ATRNL1: variants seen among roughly 807,000 people sequenced by gnomAD.
ATRNL1 encodes attractin-like protein 1.
ATRNL1 carries 95 observed loss-of-function variants against 182.7 expected under a neutral mutation model. That is an observed-to-expected ratio of 0.52 (90% CI 0.44 to 0.62). The LOEUF (loss-of-function observed/expected upper bound fraction) is 0.62. ATRNL1 is among the 20% of genes least tolerant of loss of function. ATRNL1 has a pLI of 0.00. For synonymous variants in ATRNL1, 576 were observed against 568.3 expected (o/e 1.01, Z -0.19); for missense variants, 1,471 against 1,679.5 (o/e 0.88, Z 2.17).
At chr10:115,922,828 T>A (rs1203835706) in intron 28 of ATRNL1, among the ~76,000 whole-genome samples, 1 of 151,950 alleles carries the variant, frequency 6.6e-6, no homozygotes, top group East Asian at 1.9e-4. Flanking sequence ...AGCAATATGT[T>A]AAGAGGAGAA....
chr10:115,272,532 G>A (rs1370562170), intron 13 of ATRNL1, among the ~76,000 whole-genome samples: 3 of 152,142 alleles, frequency 2.0e-5, no homozygotes, highest in Non-Finnish European at 4.4e-5. Context: ...GGTCAGCAAA[G>A]AATAAGGTCA....
intron 27 of ATRNL1, among the ~76,000 whole-genome samples, chr10:115,831,679 T>A (rs1386910270): frequency 6.6e-6 from 1 of 152,054 alleles, no homozygotes; most frequent in Admixed American, 6.6e-5. Context: ...GTCTCTTAAC[T>A]CTCAGAACCT....
At chr10:115,701,126 A>T (rs1946721659) in intron 26 of ATRNL1, among the ~76,000 whole-genome samples, 1 of 152,106 alleles carries the variant, frequency 6.6e-6, no homozygotes, top group Admixed American at 6.6e-5. Context: ...ACATTGGAAT[A>T]AAAGTAGAAA....
chr10:115,578,451 A>G (rs1854862596), intron 26 of ATRNL1, among the ~76,000 whole-genome samples: 1 of 151,586 alleles, frequency 6.6e-6, no homozygotes, highest in African/African-American at 2.4e-5. Context: ...TGGTCTTTTC[A>G]GGCTATTTCT....
At chr10:115,163,102 A>C (rs1328880949) in intron 6 of ATRNL1, among the ~76,000 whole-genome samples, 1 of 151,520 alleles carries the variant, frequency 6.6e-6, no homozygotes, top group East Asian at 1.9e-4. Flanking sequence ...TTCTTTTATT[A>C]TTAATGGTTT....
At chr10:115,707,851 C>A (rs1054453857) in intron 26 of ATRNL1, among the ~76,000 whole-genome samples, 17 of 151,470 alleles carry the variant, frequency 1.1e-4, no homozygotes, top group Admixed American at 4.0e-4. Context: ...AGAATCTTAG[C>A]GGTGGAATTA....
At chr10:115,326,551 A>G (rs1387549709) in intron 18 of ATRNL1, among the ~76,000 whole-genome samples, 1 of 152,112 alleles carries the variant, frequency 6.6e-6, no homozygotes, top group East Asian at 1.9e-4. Context: ...TCAAGCTACC[A>G]ATTACTTTCT....
chr10:115,551,355 C>T (rs1554995475), intron 26 of ATRNL1, among the ~76,000 whole-genome samples: 1 of 151,380 alleles, frequency 6.6e-6, no homozygotes, highest in African/African-American at 2.4e-5. Flanking sequence ...ATAAATTTAT[C>T]TTTTGGAAGT....
intron 28 of ATRNL1, among the ~76,000 whole-genome samples, chr10:115,899,552 C>T (rs1171182660): frequency 1.3e-5 from 2 of 152,140 alleles, no homozygotes; most frequent in East Asian, 3.9e-4. Flanking sequence ...AGGTGATCTG[C>T]CCACCTCAGC....
chr10:115,711,689 T>A (rs1390376804), intron 26 of ATRNL1, among the ~76,000 whole-genome samples: 1 of 152,186 alleles, frequency 6.6e-6, no homozygotes, highest in East Asian at 1.9e-4. Context: ...GAGAAGATTC[T>A]GAAATGGGTT....
chr10:115,352,037 T>A (rs908095154), intron 19 of ATRNL1, among the ~76,000 whole-genome samples: 2 of 152,104 alleles, frequency 1.3e-5, no homozygotes, highest in Non-Finnish European at 2.9e-5. Flanking sequence ...CATGGTTCAA[T>A]TTTGGTAGTT....
At chr10:115,349,870 G>A (rs782567866) in intron 19 of ATRNL1, among the ~76,000 whole-genome samples, 21 of 152,044 alleles carry the variant, frequency 1.4e-4, no homozygotes, top group Non-Finnish European at 2.9e-4. Flanking sequence ...TGTCATATGA[G>A]CTATTTGCAA....
intron 26 of ATRNL1, among the ~76,000 whole-genome samples, chr10:115,571,875 C>A (rs1304342676): frequency 6.6e-6 from 1 of 151,142 alleles, no homozygotes; most frequent in Non-Finnish European, 1.5e-5. Flanking sequence ...TGTGTCTTAC[C>A]GTCTGTTCTA....
intron 27 of ATRNL1, among the ~76,000 whole-genome samples, chr10:115,812,338 G>T (rs1361330257): frequency 2.0e-5 from 3 of 152,000 alleles, no homozygotes; most frequent in Non-Finnish European, 4.4e-5. Context: ...GTTCTTGTTT[G>T]GATCTTGTTG....
chr10:115,278,687 C>T (rs1314757505), intron 13 of ATRNL1, among the ~76,000 whole-genome samples: 8 of 152,184 alleles, frequency 5.3e-5, no homozygotes, highest in African/African-American at 1.4e-4. Context: ...TTTAATCTCC[C>T]CTTTTGGCCA....
intron 27 of ATRNL1, among the ~76,000 whole-genome samples, chr10:115,823,469 G>A (rs948006633): frequency 2.6e-5 from 4 of 152,198 alleles, no homozygotes; most frequent in African/African-American, 4.8e-5. Context: ...ATTCAATTCG[G>A]AAGAGAGGAA....
intron 20 of ATRNL1, among the ~76,000 whole-genome samples, chr10:115,403,647 G>T (rs1158396514): frequency 6.6e-6 from 1 of 152,068 alleles, no homozygotes; most frequent in Non-Finnish European, 1.5e-5. Flanking sequence ...GAGAGATGGG[G>T]TTTCATGTTG....
chr10:115,438,376 C>G (rs1436564091), intron 21 of ATRNL1, among the ~76,000 whole-genome samples: 1 of 151,938 alleles, frequency 6.6e-6, no homozygotes, highest in African/African-American at 2.4e-5. Context: ...TAAAGCAAAT[C>G]TTAAATATTC....
Position 115,757,468 on chromosome 10 carries a change from A to G in ATRNL1, c.3903+30113A>G, listed in dbSNP as rs938948638. 4.6e-5 allele frequency among the ~76,000 whole-genome samples: 7 copies of G among 152,284 alleles called. No homozygotes were observed. The East Asian group carries it at 1.2e-3, about 25-fold the overall frequency. ...TCTGGGCTGAAAATTCTTTTCTTTA[A>G]GAATGTTGAATATTGTCCCCTACTC... On this transcript the variant is annotated intron_variant, in intron 27 of 28. Transcript: ENST00000355044.
Sources: allele counts gnomAD v4.1 joint callset (sites outside exome capture counted in the v4.1 genomes callset), GRCh38; gene constraint gnomAD v4.1.1; transcripts MANE v1.5; gene names NCBI Gene and HGNC (gene_info 2026-07-23, HGNC 2026-07-21).